AGMO: variants seen among roughly 807,000 people sequenced by gnomAD.
AGMO encodes glyceryl-ether monooxygenase.
AGMO carries 75 observed loss-of-function variants against 60.2 expected under a neutral mutation model. The ratio of observed to expected loss-of-function variants is 1.25; its 90% confidence interval spans 1.03 to 1.51. AGMO has a LOEUF of 1.51. AGMO is among the 40% of genes most tolerant of loss of function. The pLI is 0.00. For synonymous variants in AGMO, 261 were observed against 177.1 expected (o/e 1.47, Z -3.76); for missense variants, 763 against 525.5 (o/e 1.45, Z -4.42).
intron 12 of AGMO, 117 bp from the exon 13 acceptor site, chr7:15,201,476 G>T (rs1219116259): frequency 1.5e-6 from 1 of 650,430 alleles, no homozygotes; most frequent in Non-Finnish European, 2.5e-6. Flanking sequence ...AGGGAGTCAA[G>T]TTATTAAATT....
intron 4 of AGMO, among the ~76,000 whole-genome samples, chr7:15,426,517 G>C (rs1379107708): frequency 2.6e-5 from 4 of 152,124 alleles, no homozygotes; most frequent in African/African-American, 9.7e-5. Context: ...GGGGGGCTGA[G>C]GCAGGCGGAT....
intron 12 of AGMO, among the ~76,000 whole-genome samples, chr7:15,323,497 T>G (rs114581241): frequency 6.6e-6 from 1 of 152,178 alleles, no homozygotes; most frequent in African/African-American, 2.4e-5. Context: ...AGGAGGGATA[T>G]TGTCAACATT....
At chr7:15,130,517 C>T in the AGMO span, among the ~76,000 whole-genome samples, 9 of 151,990 alleles carry the variant, frequency 5.9e-5, no homozygotes, top group South Asian at 2.1e-4. Flanking sequence ...TGTTCTATTA[C>T]GATATTTCAC....
intron 12 of AGMO, among the ~76,000 whole-genome samples, chr7:15,314,840 A>T (rs1348318164): frequency 6.6e-6 from 1 of 152,148 alleles, no homozygotes; most frequent in Admixed American, 6.6e-5. Flanking sequence ...CATCAAAAAC[A>T]GTGAACTTTC....
chr7:15,170,804 G>C, the AGMO span, among the ~76,000 whole-genome samples: 662 of 152,220 alleles, frequency 4.3e-3, 6 homozygotes, highest in African/African-American at 0.015. Flanking sequence ...CTATGTAGCT[G>C]ACATGTCTCT....
At chr7:15,160,506 CTTTT>C in the AGMO span, among the ~76,000 whole-genome samples, 1 of 151,382 alleles carries the variant, frequency 6.6e-6, no homozygotes, top group South Asian at 2.1e-4. Flanking sequence ...ATTTGTCCAT[CTTTT>C]TTTTTCCATT....
chr7:15,149,364 G>A, the AGMO span, among the ~76,000 whole-genome samples: 3 of 152,140 alleles, frequency 2.0e-5, no homozygotes, highest in Admixed American at 2.0e-4. Flanking sequence ...AATTACTTTT[G>A]GAGACTTCAC....
chr7:15,336,938 A>G (rs1290977689), intron 12 of AGMO, among the ~76,000 whole-genome samples: 1 of 152,204 alleles, frequency 6.6e-6, no homozygotes, highest in Non-Finnish European at 1.5e-5. Flanking sequence ...TTTAAAGTTC[A>G]TGAACTTCAA....
At chr7:15,262,750 C>G (rs554037751) in intron 12 of AGMO, among the ~76,000 whole-genome samples, 57 of 152,078 alleles carry the variant, frequency 3.7e-4, no homozygotes, top group Non-Finnish European at 7.5e-4. Context: ...ATCAATGGAA[C>G]AAAACAGAGA....
chr7:15,307,370 T>C (rs896252606), intron 12 of AGMO, among the ~76,000 whole-genome samples: 1 of 152,046 alleles, frequency 6.6e-6, no homozygotes, highest in Non-Finnish European at 1.5e-5. Flanking sequence ...CTTATAAATA[T>C]AGTTCAAAAT....
the AGMO span, among the ~76,000 whole-genome samples, chr7:15,195,220 T>A: frequency 6.6e-6 from 1 of 152,092 alleles, no homozygotes; most frequent in Admixed American, 6.6e-5. Flanking sequence ...ATACCTGAGG[T>A]TCCTTGCCTC....
At chr7:15,389,963 A>C (rs749782402) in intron 8 of AGMO, among the ~76,000 whole-genome samples, 3 of 152,184 alleles carry the variant, frequency 2.0e-5, no homozygotes, top group Non-Finnish European at 4.4e-5. Context: ...CACTTACCGA[A>C]TGTTGTAACC....
intron 3 of AGMO, among the ~76,000 whole-genome samples, chr7:15,437,584 G>C (rs940267297): frequency 7.1e-6 from 1 of 140,908 alleles, no homozygotes; most frequent in Non-Finnish European, 1.5e-5. Context: ...GCCCAGGCTC[G>C]AGTGCAGTGG....
intron 12 of AGMO, among the ~76,000 whole-genome samples, chr7:15,281,164 A>G (rs1278205647): frequency 6.6e-6 from 1 of 152,060 alleles, no homozygotes; most frequent in Non-Finnish European, 1.5e-5. Flanking sequence ...ACAGGTGGAA[A>G]GTTTCATTCA....
chr7:15,184,978 T>C, the AGMO span, among the ~76,000 whole-genome samples: 2 of 152,094 alleles, frequency 1.3e-5, no homozygotes, highest in Non-Finnish European at 1.5e-5. Context: ...AAGGGAGTCG[T>C]GAAAGCTACA....
intron 12 of AGMO, among the ~76,000 whole-genome samples, chr7:15,265,550 C>T (rs546507712): frequency 2.2e-4 from 34 of 151,824 alleles, no homozygotes; most frequent in African/African-American, 7.0e-4. Flanking sequence ...ATAACTGTCA[C>T]GGAAATGCAA....
chr7:15,128,848 C>A, the AGMO span, among the ~76,000 whole-genome samples: 1 of 152,062 alleles, frequency 6.6e-6, no homozygotes, highest in Admixed American at 6.6e-5. Flanking sequence ...TTATTAAGAG[C>A]TTGCTGTAGC....
At chr7:15,190,231 T>A in the AGMO span, among the ~76,000 whole-genome samples, 58 of 5,040 alleles carry the variant, frequency 0.012, 1 homozygote, top group Middle Eastern at 0.12. Context: ...ATATATATAT[T>A]TATATATATA....
chr7:15,124,567 T>C, the AGMO span, among the ~76,000 whole-genome samples: 4 of 152,030 alleles, frequency 2.6e-5, no homozygotes, highest in African/African-American at 9.7e-5. Flanking sequence ...CTGTTGAAAA[T>C]ATTAAATTTG....
Sources: gnomAD v4.1 joint callset for allele counts (sites outside exome capture counted in the v4.1 genomes callset) on GRCh38, gnomAD v4.1.1 for gene constraint, MANE v1.5 for transcripts, NCBI Gene and HGNC (gene_info 2026-07-23, HGNC 2026-07-21) for gene names.